RFX7: variants seen among roughly 807,000 people sequenced by gnomAD.
RFX7 encodes the protein DNA-binding protein RFX7.
A neutral mutation model predicts 111.8 loss-of-function variants in RFX7; 26 were observed. The observed-to-expected ratio is 0.23, with a 90% confidence interval of 0.17 to 0.32. The LOEUF (loss-of-function observed/expected upper bound fraction) is 0.32, where lower values mean the gene tolerates loss of function less well. Among genes scored for constraint, RFX7 ranks in the 10% least tolerant of loss-of-function variants. The pLI is 1.00. For missense variants in RFX7, 1,573 were observed against 1,772.9 expected, an observed-to-expected ratio of 0.89 and a Z score of 2.02; for synonymous variants, 624 against 624.4, an observed-to-expected ratio of 1.00 and a Z score of 0.01.
At position 56,232,061 on chromosome 15, in the gene RFX7, T is replaced by C. The variant is rs573611958; in HGVS notation, c.161+11064A>G. On this transcript the variant is annotated intron_variant, in intron 2 of 9. Transcript: ENST00000559447. ...GGATACAGCCTCTCTTGGCGGCTTT[T>C]ATGGGCTGGTGTTGAGTGTCTGCAG... Among the ~76,000 whole-genome samples the C allele has an allele frequency of 2.0e-5, 3 of 152,316 alleles. No individual in the cohort carries two copies. In the South Asian group the frequency reaches 6.2e-4, roughly 32 times the overall value.
At chr15:56,161,303 TA>T (rs1462755867) in intron 3 of RFX7, among the ~76,000 whole-genome samples, 5 of 152,008 alleles carry the variant, frequency 3.3e-5, no homozygotes, top group African/African-American at 1.2e-4. Context: ...CCCTCAACTA[TA>T]ATCAAGCCTG....
At position 56,098,209 on chromosome 15, in the gene RFX7, C is replaced by T. The variant is rs763522934; in HGVS notation, c.979G>A (p.Glu327Lys). Reference sequence around the variant, plus strand: ...CTTTCTGACTTTTTTGCTGCAGATTCTCCTGGCAAAGGGGATTGTAGTTTC... The same window carrying T: ...CTTTCTGACTTTTTTGCTGCAGATTTTCCTGGCAAAGGGGATTGTAGTTTC... ...EQKLQSPLPG[E>K]SAAKKSESAT... Residue 327 changes from glutamate to lysine, a missense_variant, in exon 9 of 10, where the codon GAA (glutamate) becomes AAA (lysine). This residue lies in a region of RFX7 where 288 missense variants were observed against 337.9 expected (regional missense o/e 0.85). Transcript: ENST00000559447. The T allele has an allele frequency of 6.2e-7, 1 of 1,613,934 alleles. No individual in the cohort carries two copies. The highest frequency in any genetic ancestry group is 8.5e-7 in the Non-Finnish European group (1 of 1,179,836).
intron 5 of RFX7, 23 bp downstream of exon 5, chr15:56,142,755 G>T: frequency 6.2e-7 from 1 of 1,602,636 alleles, no homozygotes; most frequent in South Asian, 1.1e-5. Flanking sequence ...ATATCAGCAT[G>T]CCATATTACA....
intron 2 of RFX7, among the ~76,000 whole-genome samples, chr15:56,218,869 A>G (rs1298225880): frequency 6.6e-6 from 1 of 152,202 alleles, no homozygotes; most frequent in Non-Finnish European, 1.5e-5. Flanking sequence ...AATTCCCACT[A>G]CACACCAATA....
At chr15:56,117,825 A>G (rs2140958122) in intron 5 of RFX7, among the ~76,000 whole-genome samples, 1 of 152,176 alleles carries the variant, frequency 6.6e-6, no homozygotes, top group East Asian at 1.9e-4. Flanking sequence ...ATGGCTAAAC[A>G]GTATTCCATT....
intron 2 of RFX7, 95 bp downstream of exon 2, chr15:56,243,030 C>T (rs2043723831): frequency 2.6e-6 from 2 of 770,404 alleles, no homozygotes; most frequent in Non-Finnish European, 3.9e-6. Flanking sequence ...ATGCATCAGC[C>T]TCCTCCTCCG....
chr15:56,209,275 C>T (rs537954914), intron 2 of RFX7, among the ~76,000 whole-genome samples: 1 of 150,304 alleles, frequency 6.7e-6, no homozygotes, highest in Non-Finnish European at 1.5e-5. Flanking sequence ...GTGAAACACT[C>T]GAGAGTGTCA....
chr15:56,109,674 TGCG>T (rs1342237324), intron 5 of RFX7, among the ~76,000 whole-genome samples: 2 of 151,138 alleles, frequency 1.3e-5, no homozygotes, highest in Non-Finnish European at 2.9e-5. Context: ...TCGTCTGAGA[TGCG>T]GGGAGCGCCT....
rs185035205 is a variant in RFX7 at position 56,197,409 on chromosome 15, A to T, written c.162-18106T>A. Among the ~76,000 whole-genome samples the T allele has an allele frequency of 3.3e-3, 496 of 152,254 alleles. 1 individual carries two copies. The highest frequency in any genetic ancestry group is 0.011 in the African/African-American group (464 of 41,528). On this transcript the variant is annotated intron_variant, in intron 2 of 9. Transcript: ENST00000559447. ...TGAAAAGTGCTTTTGACATGTTTTT[A>T]AAAATCTTCCTTACCGTGAGCTCCC...
intron 2 of RFX7, among the ~76,000 whole-genome samples, chr15:56,181,289 C>T (rs1461479120): frequency 6.6e-6 from 1 of 152,154 alleles, no homozygotes; most frequent in Non-Finnish European, 1.5e-5. Context: ...ATAACTTATC[C>T]CTTTACTTTC....
At chr15:56,129,851 T>A (rs1364954649) in intron 5 of RFX7, among the ~76,000 whole-genome samples, 1 of 152,202 alleles carries the variant, frequency 6.6e-6, no homozygotes, top group Non-Finnish European at 1.5e-5. Flanking sequence ...TGATGATGTT[T>A]CCTATGGTTG....
intron 5 of RFX7, among the ~76,000 whole-genome samples, chr15:56,104,769 C>A (rs536698049): frequency 7.0e-6 from 1 of 142,310 alleles, no homozygotes; most frequent in East Asian, 2.1e-4. Context: ...TGTGGCTTCC[C>A]TATTCCCACA....
chr15:56,129,270 G>A (rs2042182814), intron 5 of RFX7, among the ~76,000 whole-genome samples: 1 of 151,944 alleles, frequency 6.6e-6, no homozygotes, highest in African/African-American at 2.4e-5. Flanking sequence ...AGCAACTGGG[G>A]AGGCTGAGGC....
chr15:56,211,073 C>A (rs530274866), intron 2 of RFX7, among the ~76,000 whole-genome samples: 1 of 151,782 alleles, frequency 6.6e-6, no homozygotes, highest in South Asian at 2.1e-4. Flanking sequence ...TCTGCAAAAT[C>A]AGAAAAGAAA....
chr15:56,244,601 A>G (rs1411987494), upstream of RFX7, among the ~76,000 whole-genome samples: 1 of 37,204 alleles, frequency 2.7e-5, no homozygotes, highest in African/African-American at 1.1e-4. Context: ...CCCCCTTTCC[A>G]GGAATGCCCT....
At chr15:56,152,232 C>A (rs1482871099) in intron 3 of RFX7, among the ~76,000 whole-genome samples, 3 of 152,176 alleles carry the variant, frequency 2.0e-5, no homozygotes, top group Non-Finnish European at 1.5e-5. Context: ...CTCTCCACCC[C>A]AAATCAACAG....
In RFX7 at chr15:56,144,402, T is replaced by G. The variant is rs770736893; in HGVS notation, c.277A>C (p.Ser93Arg). The change falls in exon 4 of 10, where the codon AGT becomes CGT. Residue 93 changes from serine (S) to arginine (R), a missense_variant and splice_region_variant. Ser to Arg is a moderately radical substitution (Grantham distance 110, BLOSUM62 -1). Transcript: ENST00000559447. ...TAGCAAAGACAAGAATAGATATACC[T>G]TTTCTCTCCATTGCTGAGACCAGAA... is the stretch of plus-strand genomic sequence containing the variant. ...LPSGLSNGEK[S>R]DQNAMSSSRA... 3 of 1,354,262 alleles carry G rather than the reference T, an allele frequency of 2.2e-6. No homozygotes were observed. In the East Asian group the frequency reaches 1.4e-4, roughly 62 times the overall value. The allele number at this position is 1,354,262 out of a possible 1,614,324, so 83.9% of individuals were successfully genotyped here.
chr15:56,094,828 T>G lies in RFX7; in HGVS notation c.2900A>C (p.Glu967Ala). 6.4e-7 allele frequency: 1 copy of G among 1,571,060 alleles called. No homozygotes were observed. Among genetic ancestry groups the G allele is most frequent in the Non-Finnish European group, 8.6e-7 (1 of 1,157,992 alleles). Residue 967 changes from glutamate (E) to alanine (A), a missense_variant, in exon 10 of 10, where the codon GAA becomes GCA. By Grantham distance (107) the Glu-to-Ala change is moderately radical (BLOSUM62 -1). This residue lies in a region of RFX7 where 625 missense variants were observed against 632.2 expected (regional missense o/e 0.99). Coordinates refer to ENST00000559447, the MANE Select transcript of RFX7 (RefSeq NM_022841.7). The stretch of plus-strand genomic sequence containing the variant: ...CAGACTCTGAGATCCAGCAATCATT[T>G]CAGATGTCGGGGTTGGGGTTGGGGT... ...TPTPTPTPTS[E>A]MIAGSQSLSR...
At chr15:56,159,888 T>C (rs769226714) in intron 3 of RFX7, among the ~76,000 whole-genome samples, 4 of 152,162 alleles carry the variant, frequency 2.6e-5, no homozygotes, top group Non-Finnish European at 5.9e-5. Context: ...AATTTAAAAG[T>C]AGCCTAAATG....
Sources: gnomAD v4.1 joint callset for allele counts (sites outside exome capture counted in the v4.1 genomes callset) on GRCh38, gnomAD v4.1.1 for gene constraint, gnomAD v4.1.1 regional missense constraint, MANE v1.5 for transcripts, NCBI Gene and HGNC (gene_info 2026-07-23, HGNC 2026-07-21) for gene names.